OPCML: variants seen among roughly 807,000 people sequenced by gnomAD.
The protein encoded by OPCML is opioid-binding protein/cell adhesion molecule.
A neutral mutation model predicts 37.8 loss-of-function variants in OPCML; 13 were observed. That is an observed-to-expected ratio of 0.34 (90% CI 0.22 to 0.55). The LOEUF (loss-of-function observed/expected upper bound fraction) is 0.55. Among genes scored for constraint, OPCML ranks in the 20% least tolerant of loss-of-function variants. The pLI, the probability that OPCML is intolerant of heterozygous loss-of-function variation, is 0.91. For missense variants in OPCML, 341 were observed against 435.6 expected (o/e 0.78, Z 1.93); for synonymous variants, 176 against 168.8 (o/e 1.04, Z -0.33).
At chr11:133,021,209 C>T (rs1042972149) in intron 1 of OPCML, among the ~76,000 whole-genome samples, 8 of 152,168 alleles carry the variant, frequency 5.3e-5, no homozygotes, top group Admixed American at 2.6e-4. Context: ...AGAGAATGAA[C>T]ACAATGCAGT....
chr11:132,659,301 A>C (rs1342899880), intron 2 of OPCML, among the ~76,000 whole-genome samples: 1 of 152,176 alleles, frequency 6.6e-6, no homozygotes. Flanking sequence ...AAATATGATA[A>C]ATTTATTCAT....
At chr11:132,595,116 T>C (rs2137732871) in intron 3 of OPCML, among the ~76,000 whole-genome samples, 1 of 152,216 alleles carries the variant, frequency 6.6e-6, no homozygotes, top group East Asian at 1.9e-4. Flanking sequence ...AGACTGTTTT[T>C]GCTGGTGATG....
chr11:132,788,739 A>G (rs1937690286), intron 2 of OPCML, among the ~76,000 whole-genome samples: 2 of 152,200 alleles, frequency 1.3e-5, no homozygotes. Context: ...AGAAATAAAA[A>G]CACAAACCGT....
At chr11:132,903,141 T>A (rs1276826297) in intron 2 of OPCML, among the ~76,000 whole-genome samples, 1 of 152,230 alleles carries the variant, frequency 6.6e-6, no homozygotes, top group African/African-American at 2.4e-5. Flanking sequence ...GGGACTTCTG[T>A]GTCCATAGCC....
chr11:133,348,346 A>T (rs893318350), intron 1 of OPCML, among the ~76,000 whole-genome samples: 1 of 152,198 alleles, frequency 6.6e-6, no homozygotes, highest in African/African-American at 2.4e-5. Flanking sequence ...GAATCCCCCC[A>T]GCACCTAATG....
At chr11:133,049,883 G>A (rs536144959) in intron 1 of OPCML, among the ~76,000 whole-genome samples, 5 of 152,338 alleles carry the variant, frequency 3.3e-5, no homozygotes, top group African/African-American at 1.2e-4. Context: ...GGGTGGGAGG[G>A]CAGTAGCTGC....
At chr11:133,363,372 C>T (rs1317664201) in intron 1 of OPCML, among the ~76,000 whole-genome samples, 1 of 152,180 alleles carries the variant, frequency 6.6e-6, no homozygotes, top group African/African-American at 2.4e-5. Flanking sequence ...GTGGTGAGTT[C>T]TCTCTCTTTC....
intron 2 of OPCML, among the ~76,000 whole-genome samples, chr11:132,667,578 A>G (rs1344140098): frequency 2.6e-5 from 4 of 152,186 alleles, no homozygotes; most frequent in Non-Finnish European, 5.9e-5. Flanking sequence ...AAAACATTAG[A>G]TATAAAGTAT....
rs73585052 is a variant in OPCML at position 132,486,422 on chromosome 11, G to A, written c.505+42639C>T. On this transcript the variant is annotated intron_variant, in intron 4 of 7. Coordinates refer to ENST00000524381, the MANE Select transcript of OPCML (RefSeq NM_001012393.5). ...CAATTTCTTCATTGTTAAAAAAAAT[G>A]CATTTTGAACTTCAGAACAGTTTTT... Among the ~76,000 whole-genome samples the A allele has an allele frequency of 6.4e-3, 969 of 152,138 alleles. 15 individuals carry two copies. The highest frequency in any genetic ancestry group is 0.063 in the East Asian group (323 of 5,152).
chr11:132,635,498 GT>G (rs1473483874), intron 3 of OPCML, among the ~76,000 whole-genome samples: 3 of 137,492 alleles, frequency 2.2e-5, no homozygotes, highest in Admixed American at 1.6e-4. Flanking sequence ...ACCTTCCCAT[GT>G]TTTTTCCTTT....
rs2095943060 is a variant in OPCML at position 132,417,593 on chromosome 11, G to A, written c.*2600C>T. 6.6e-6 allele frequency: 1 copy of A among 152,162 alleles called. No homozygotes were observed. Among genetic ancestry groups the A allele is most frequent in the South Asian group, 2.1e-4 (1 of 4,822 alleles). 9.4% of individuals were successfully genotyped at this position (152,162 alleles called of 1,614,324 possible). On this transcript the variant is annotated 3_prime_UTR_variant, in exon 8 of 8. Transcript: ENST00000524381. Reference sequence around the variant, plus strand: ...GCCAAAGGAGCATGGACCCTTTCCTGTAGAACAAGTCTTGGAGTGAGGAAT... The same window carrying A: ...GCCAAAGGAGCATGGACCCTTTCCTATAGAACAAGTCTTGGAGTGAGGAAT...
rs188262032 is a variant in OPCML at position 132,609,572 on chromosome 11, C to T, written c.379+47515G>A. The stretch of plus-strand genomic sequence containing the variant: ...CACGGAGTGCTGTATGCTTAGCACA[C>T]CATTCCCACCACGCTTCCTCTTGTA... On this transcript the variant is annotated intron_variant, in intron 3 of 7. Coordinates refer to ENST00000524381, the MANE Select transcript of OPCML (RefSeq NM_001012393.5). Among the ~76,000 whole-genome samples, 8 of 152,296 alleles carry T rather than the reference C, an allele frequency of 5.3e-5. No individual in the cohort carries two copies. The East Asian group carries it at 1.5e-3, about 29-fold the overall frequency.
intron 1 of OPCML, among the ~76,000 whole-genome samples, chr11:132,989,160 C>T (rs1196894685): frequency 6.6e-6 from 1 of 152,072 alleles, no homozygotes; most frequent in Non-Finnish European, 1.5e-5. Context: ...ACTCTGTGAC[C>T]CAGCGAATCC....
At chr11:132,824,356 G>T (rs897305221) in intron 2 of OPCML, among the ~76,000 whole-genome samples, 1 of 151,926 alleles carries the variant, frequency 6.6e-6, no homozygotes, top group African/African-American at 2.4e-5. Flanking sequence ...CAGCTCCAAC[G>T]TGCACCTAGA....
intron 2 of OPCML, among the ~76,000 whole-genome samples, chr11:132,675,992 G>A (rs1280111989): frequency 1.3e-5 from 2 of 152,040 alleles, no homozygotes; most frequent in African/African-American, 4.8e-5. Context: ...ACACAATCTT[G>A]TAAAAGGAGA....
chr11:132,784,063 T>C (rs1328205872), intron 2 of OPCML, among the ~76,000 whole-genome samples: 1 of 152,072 alleles, frequency 6.6e-6, no homozygotes. Context: ...AAATGAATAA[T>C]GAATAGACTG....
chr11:132,927,024 A>C (rs779692668), intron 2 of OPCML, among the ~76,000 whole-genome samples: 4 of 152,188 alleles, frequency 2.6e-5, no homozygotes, highest in Non-Finnish European at 5.9e-5. Context: ...TAAAGAAAGA[A>C]GAAATGGGAA....
intron 4 of OPCML, among the ~76,000 whole-genome samples, chr11:132,491,244 T>C (rs1040319025): frequency 2.6e-5 from 4 of 152,232 alleles, no homozygotes; most frequent in Non-Finnish European, 5.9e-5. Flanking sequence ...AGTCAGCTGA[T>C]GTCCTTCTCC....
intron 2 of OPCML, among the ~76,000 whole-genome samples, chr11:132,929,959 C>T (rs1242378412): frequency 6.6e-6 from 1 of 152,120 alleles, no homozygotes; most frequent in African/African-American, 2.4e-5. Context: ...ACTCAACATA[C>T]TAAATGAGAA....
Sources: gnomAD v4.1 joint callset for allele counts (sites outside exome capture counted in the v4.1 genomes callset) on GRCh38, gnomAD v4.1.1 for gene constraint, MANE v1.5 for transcripts, NCBI Gene and HGNC (gene_info 2026-07-23, HGNC 2026-07-21) for gene names.